Variants in CNOT4 observed in about 807,000 individuals in gnomAD.
CNOT4 encodes CCR4-NOT transcription complex subunit 4, also known as CCR4-associated factor 4.
A neutral mutation model predicts 73.8 loss-of-function variants in CNOT4; 8 were observed. The ratio of observed to expected loss-of-function variants is 0.11; its 90% CI spans 0.06 to 0.20. The LOEUF (loss-of-function observed/expected upper bound fraction) is 0.20, where lower values mean the gene tolerates loss of function less well. Ranked by LOEUF, CNOT4 falls within the 10% of genes least tolerant of loss-of-function variation. CNOT4 has a pLI of 1.00. For synonymous variants in CNOT4, 293 were observed against 321.1 expected (o/e 0.91, Z 0.94); for missense variants, 564 against 883.4 (o/e 0.64, Z 4.58).
At chr7:135,495,572 A>T (rs1803438338) in intron 1 of CNOT4, among the ~76,000 whole-genome samples, 1 of 142,452 alleles carries the variant, frequency 7.0e-6, no homozygotes, top group Non-Finnish European at 1.5e-5. Flanking sequence ...GCTACTTGGG[A>T]GGCTGAGGTG....
intron 10 of CNOT4, among the ~76,000 whole-genome samples, chr7:135,382,403 C>T (rs1032087092): frequency 2.0e-5 from 3 of 152,126 alleles, no homozygotes; most frequent in African/African-American, 7.2e-5. Flanking sequence ...CTTCTCAATC[C>T]ATCAACAAGG....
Position 135,414,318 on chromosome 7 carries a change from A to T in CNOT4, c.561+13T>A. ...CTTAAAAAAAAAAAAAAGAATCAAGAGGACTATATTACCTTAAGTGTTCTG... is the reference window on the plus strand; with the variant it reads ...CTTAAAAAAAAAAAAAAGAATCAAGTGGACTATATTACCTTAAGTGTTCTG... On this transcript the variant is annotated intron_variant, in intron 5 of 11. Coordinates refer to ENST00000541284, the MANE Select transcript of CNOT4 (RefSeq NM_001190850.2). The T allele has an allele frequency of 1.1e-6, 1 of 896,784 alleles. No homozygotes were observed. The allele number at this position is 896,784 out of a possible 1,614,324, so 55.6% of individuals were successfully genotyped here.
intron 1 of CNOT4, among the ~76,000 whole-genome samples, chr7:135,440,706 G>A (rs1799425078): frequency 6.6e-6 from 1 of 152,146 alleles, no homozygotes; most frequent in Admixed American, 6.5e-5. Flanking sequence ...TGAATCACGA[G>A]GTCAAGAGAG....
chr7:135,393,386 C>T (rs1427234915), intron 10 of CNOT4, among the ~76,000 whole-genome samples: 1 of 152,080 alleles, frequency 6.6e-6, no homozygotes, highest in Non-Finnish European at 1.5e-5. Flanking sequence ...ATATGATATG[C>T]TTGTAAAACA....
chr7:135,509,220 CAGG>C (rs2129488507), intron 1 of CNOT4: 1 of 152,422 alleles, frequency 6.6e-6, no homozygotes, highest in South Asian at 2.1e-4. Flanking sequence ...GGTGGGTTAG[CAGG>C]AGGAGCATAA....
chr7:135,497,145 C>T (rs182823983), intron 1 of CNOT4, among the ~76,000 whole-genome samples: 6 of 151,658 alleles, frequency 4.0e-5, no homozygotes, highest in African/African-American at 7.3e-5. Context: ...TGGTGGCTCA[C>T]GCCTATAATC....
intron 10 of CNOT4, among the ~76,000 whole-genome samples, chr7:135,382,314 T>A (rs1486402169): frequency 6.6e-6 from 1 of 152,198 alleles, no homozygotes; most frequent in Non-Finnish European, 1.5e-5. Context: ...AAGGCTAGTA[T>A]GACCAGCAAT....
At chr7:135,463,613 G>A (rs1291441267) in intron 1 of CNOT4, among the ~76,000 whole-genome samples, 7 of 149,498 alleles carry the variant, frequency 4.7e-5, no homozygotes, top group Admixed American at 1.3e-4. Context: ...CATCCTGGAT[G>A]TAGGAACCGG....
intron 10 of CNOT4, among the ~76,000 whole-genome samples, chr7:135,378,197 T>C (rs549926026): frequency 1.3e-5 from 2 of 152,310 alleles, no homozygotes; most frequent in East Asian, 3.9e-4. Context: ...TTTAAATGTG[T>C]TGTTTTGATT....
At chr7:135,449,137 C>T (rs991284162) in intron 1 of CNOT4, among the ~76,000 whole-genome samples, 3 of 152,004 alleles carry the variant, frequency 2.0e-5, no homozygotes, top group African/African-American at 4.8e-5. Flanking sequence ...ACAAAGTATA[C>T]GATGCTGGTC....
intron 3 of CNOT4, among the ~76,000 whole-genome samples, chr7:135,416,501 G>A (rs1797879648): frequency 6.6e-6 from 1 of 152,144 alleles, no homozygotes; most frequent in African/African-American, 2.4e-5. Flanking sequence ...AGTAACAGTG[G>A]CTAACACAAT....
intron 10 of CNOT4, among the ~76,000 whole-genome samples, chr7:135,382,933 GCTCTACTACCT>G (rs1225837703): frequency 6.6e-6 from 1 of 152,076 alleles, no homozygotes; most frequent in African/African-American, 2.4e-5. Flanking sequence ...TCTTCACCCT[GCTCTACTACCT>G]CTTCAGCAAT....
At chr7:135,475,652 G>C (rs1563072371) in intron 1 of CNOT4, among the ~76,000 whole-genome samples, 1 of 152,206 alleles carries the variant, frequency 6.6e-6, no homozygotes, top group Non-Finnish European at 1.5e-5. Flanking sequence ...GCTCTCACCT[G>C]TAATCCCAGC....
At chr7:135,365,428 T>C (rs1252029240) in intron 10 of CNOT4, among the ~76,000 whole-genome samples, 1 of 151,920 alleles carries the variant, frequency 6.6e-6, no homozygotes, top group Non-Finnish European at 1.5e-5. Context: ...TTTGTATGTG[T>C]TGTATGGTTT....
chr7:135,469,033 T>C (rs548914153), intron 1 of CNOT4, among the ~76,000 whole-genome samples: 2 of 152,196 alleles, frequency 1.3e-5, no homozygotes, highest in African/African-American at 4.8e-5. Context: ...GTAATGGCAG[T>C]GAAGATTGAG....
intron 1 of CNOT4, among the ~76,000 whole-genome samples, chr7:135,463,952 T>A (rs182834534): frequency 7.5e-6 from 1 of 132,496 alleles, no homozygotes; most frequent in Non-Finnish European, 1.6e-5. Context: ...TCATTGATCA[T>A]TAGAGAAATG....
At chr7:135,375,236 GAATT>G (rs1795454420) in intron 10 of CNOT4, among the ~76,000 whole-genome samples, 1 of 152,300 alleles carries the variant, frequency 6.6e-6, no homozygotes, top group African/African-American at 2.4e-5. Flanking sequence ...TGTGTAAAGA[GAATT>G]AAACTGAGAG....
intron 1 of CNOT4, among the ~76,000 whole-genome samples, chr7:135,454,779 G>A (rs536956465): frequency 6.6e-6 from 1 of 152,256 alleles, no homozygotes; most frequent in South Asian, 2.1e-4. Flanking sequence ...GTAGTCCCAG[G>A]GGGCTGAGGC....
chr7:135,411,725 T>A (rs1349467893), intron 6 of CNOT4, among the ~76,000 whole-genome samples: 1 of 151,976 alleles, frequency 6.6e-6, no homozygotes, highest in Non-Finnish European at 1.5e-5. Flanking sequence ...ATAGATGTTA[T>A]ACAACAAAAC....
Sources: gnomAD v4.1 joint callset for allele counts (sites outside exome capture counted in the v4.1 genomes callset) on GRCh38, gnomAD v4.1.1 for gene constraint, MANE v1.5 for transcripts, NCBI Gene and HGNC (gene_info 2026-07-23, HGNC 2026-07-21) for gene names.